Variants in SLC15A5 observed in about 807,000 individuals in gnomAD.
SLC15A5 encodes the protein solute carrier family 15 member 5, also known as Peptide/histidine transporter ENSP00000340402.
A neutral mutation model predicts 56.1 loss-of-function variants in SLC15A5; 58 were observed. The ratio of observed to expected loss-of-function variants is 1.03; its 90% CI spans 0.84 to 1.29. SLC15A5 has a LOEUF of 1.29. SLC15A5 is among the 50% of genes most tolerant of loss of function. The pLI is 0.00. For synonymous variants in SLC15A5, 264 were observed against 250.5 expected, an observed-to-expected ratio of 1.05 and a Z score of -0.51; for missense variants, 681 against 672.1, an observed-to-expected ratio of 1.01 and a Z score of -0.15.
rs1441279565 is a variant in SLC15A5, at chr12:16,196,292, G to C, written c.1484-1839C>G. Among the ~76,000 whole-genome samples the C allele has an allele frequency of 1.3e-5, 2 of 152,030 alleles. No homozygotes were observed. The highest frequency in any genetic ancestry group is 2.4e-5 in the African/African-American group (1 of 41,426). On this transcript the variant is annotated intron_variant, in intron 7 of 8. Coordinates refer to ENST00000344941, the MANE Select transcript of SLC15A5 (RefSeq NM_001170798.1). The surrounding 1 kb of genome is among the most constrained non-coding windows in gnomAD (Gnocchi z 4.0). ...ACATGATGCCTGTATCTGGTGTTTA[G>C]ATGAGTAAATGAAGTTCACTGAATG...
In SLC15A5 at chr12:16,243,896, C is replaced by G. The variant is rs1351318297; in HGVS notation, c.975+684G>C. On this transcript the variant is annotated intron_variant, in intron 4 of 8. Coordinates refer to ENST00000344941, the MANE Select transcript of SLC15A5 (RefSeq NM_001170798.1). This position sits in a 1 kb window ranked among gnomAD's most constrained non-coding sequence, Gnocchi z 4.4. ...AACTCATTCATGAGTCTTCTAAATTCCAAGTTGGGAGTTAGCAATGAACAA... is the reference window on the plus strand; with the variant it reads ...AACTCATTCATGAGTCTTCTAAATTGCAAGTTGGGAGTTAGCAATGAACAA... 2.0e-5 allele frequency among the ~76,000 whole-genome samples: 3 copies of G among 152,142 alleles called. No individual in the cohort carries two copies. In the South Asian group the frequency reaches 6.2e-4, roughly 32 times the overall value.
chr12:16,235,162 G>A lies in SLC15A5; in HGVS notation c.1162+4519C>T, dbSNP rs1352143512. Among the ~76,000 whole-genome samples, 1 of 151,352 alleles carries A rather than the reference G, an allele frequency of 6.6e-6. No homozygotes were observed. Among genetic ancestry groups the A allele is most frequent in the Admixed American group, 6.6e-5 (1 of 15,132 alleles). ...ATATTTGTCACTCACTTTTTAGGGT[G>A]GCATATGTTTTTTATTTTTATTGTT... is the stretch of plus-strand genomic sequence containing the variant. On this transcript the variant is annotated intron_variant, in intron 5 of 8. Coordinates refer to ENST00000344941, the MANE Select transcript of SLC15A5 (RefSeq NM_001170798.1). The surrounding 1 kb of genome is among the most constrained non-coding windows in gnomAD (Gnocchi z 4.1).
intron 7 of SLC15A5, among the ~76,000 whole-genome samples, chr12:16,200,115 A>T (rs1863938878): frequency 1.3e-5 from 2 of 151,914 alleles, no homozygotes; most frequent in Non-Finnish European, 2.9e-5. Flanking sequence ...AGGAAAAGTG[A>T]CTACGATACA....
Position 16,210,149 on chromosome 12 carries a change from C to A in SLC15A5, c.1483+6744G>T, listed in dbSNP as rs545555887. 6.6e-5 allele frequency among the ~76,000 whole-genome samples: 10 copies of A among 152,234 alleles called. No individual in the cohort carries two copies. In the South Asian group the frequency reaches 2.1e-3, roughly 32 times the overall value. On this transcript the variant is annotated intron_variant, in intron 7 of 8. Coordinates refer to ENST00000344941, the MANE Select transcript of SLC15A5 (RefSeq NM_001170798.1). ...GGGCCTTGATATATGTGCTCTCTAC[C>A]AGAAAAACCTCATTCCTAGGCTTAC...
intron 5 of SLC15A5, among the ~76,000 whole-genome samples, chr12:16,231,220 A>G (rs924297474): frequency 9.9e-5 from 15 of 152,248 alleles, no homozygotes; most frequent in African/African-American, 3.4e-4. Context: ...ATTTTTATCT[A>G]CATTCCAATA....
chr12:16,211,186 G>C (rs1257994579), intron 7 of SLC15A5, among the ~76,000 whole-genome samples: 2 of 152,202 alleles, frequency 1.3e-5, no homozygotes, highest in Admixed American at 6.5e-5. Flanking sequence ...GTATCTCTTA[G>C]ATAATAGGTA....
chr12:16,255,532 T>C (rs113357676), intron 3 of SLC15A5, among the ~76,000 whole-genome samples: 10 of 152,212 alleles, frequency 6.6e-5, no homozygotes, highest in East Asian at 5.8e-4. Flanking sequence ...TAGAAAGGAA[T>C]TTGGCAACAT....
In SLC15A5 at chr12:16,189,524, G is replaced by A; in HGVS notation, c.*144C>T. ...CAGTTTACTAGAAAATTCATAATTAGTCTTTGTAAATAAAGTATACAGATG... is the reference window on the plus strand; with the variant it reads ...CAGTTTACTAGAAAATTCATAATTAATCTTTGTAAATAAAGTATACAGATG... On this transcript the variant is annotated 3_prime_UTR_variant, in exon 9 of 9. Coordinates refer to ENST00000344941, the MANE Select transcript of SLC15A5 (RefSeq NM_001170798.1). 1 of 598,522 alleles carries A rather than the reference G, an allele frequency of 1.7e-6. No homozygotes were observed. The highest frequency in any genetic ancestry group is 2.5e-6 in the Non-Finnish European group (1 of 407,134). The allele number at this position is 598,522 out of a possible 1,614,324, so 37.1% of individuals were successfully genotyped here.
chr12:16,235,268 ATATGTATATATATGTATATATG>A lies in SLC15A5; in HGVS notation c.1162+4391_1162+4412del, dbSNP rs199621550. ...TAAGTATATATGTGTATATATATGT[ATATGTATATATATGTATATATG>A]TATATGTATATGTATATATATGTAT... is the stretch of plus-strand genomic sequence containing the variant. On this transcript the variant is annotated intron_variant, in intron 5 of 8. Transcript: ENST00000344941. The surrounding 1 kb of genome is among the most constrained non-coding windows in gnomAD (Gnocchi z 4.1). Among the ~76,000 whole-genome samples, 164 of 147,448 alleles carry A rather than the reference ATATGTATATATATGTATATATG, an allele frequency of 1.1e-3. 1 individual carries two copies. Among genetic ancestry groups the A allele is most frequent in the Non-Finnish European group, 1.6e-3 (110 of 67,232 alleles).
intron 3 of SLC15A5, among the ~76,000 whole-genome samples, chr12:16,254,091 T>C (rs1864545256): frequency 6.6e-6 from 1 of 152,072 alleles, no homozygotes; most frequent in Non-Finnish European, 1.5e-5. Flanking sequence ...TAAAATGGAA[T>C]GTTATGTGGT....
chr12:16,194,778 A>G (rs145442451), intron 7 of SLC15A5, among the ~76,000 whole-genome samples: 68 of 151,998 alleles, frequency 4.5e-4, no homozygotes, highest in African/African-American at 1.5e-3. Context: ...ATTTATCCTT[A>G]TATTTGTAGT....
intron 6 of SLC15A5, among the ~76,000 whole-genome samples, chr12:16,222,859 A>AAC: frequency 6.6e-6 from 1 of 152,326 alleles, no homozygotes; most frequent in African/African-American, 2.4e-5. Flanking sequence ...GACTACTTCC[A>AAC]ACACATTTTT....
rs778319174 is a variant in SLC15A5, at chr12:16,189,755, T to A, written c.1653A>T (p.Thr551=). The stretch of plus-strand genomic sequence containing the variant: ...TCAGAGATTTTTCGTGGAGGAGAAG[T>A]GTTTCTTCAAGATTACTTCCACGGA... The part of the protein sequence containing the change: ...QNIRGSNLEE[T]LLLHEKSLKF... The change falls in exon 9 of 9, where the codon ACA becomes ACT. Residue 551 remains threonine (T), a synonymous_variant. Transcript: ENST00000344941. 5 of 1,530,344 alleles carry A rather than the reference T, an allele frequency of 3.3e-6. No individual in the cohort carries two copies. Among genetic ancestry groups the A allele is most frequent in the Non-Finnish European group, 3.5e-6 (4 of 1,143,494 alleles). The allele number at this position is 1,530,344 out of a possible 1,614,324, so 94.8% of individuals were successfully genotyped here.
intron 7 of SLC15A5, among the ~76,000 whole-genome samples, chr12:16,209,144 C>T (rs1864053229): frequency 6.6e-6 from 1 of 151,450 alleles, no homozygotes; most frequent in African/African-American, 2.4e-5. Context: ...TTATGAATAC[C>T]TTCCATTCTT....
At chr12:16,227,665 G>T (rs1864255780) in intron 5 of SLC15A5, among the ~76,000 whole-genome samples, 1 of 152,180 alleles carries the variant, frequency 6.6e-6, no homozygotes, top group Non-Finnish European at 1.5e-5. Context: ...ACGATAGATT[G>T]GGGTCAGATC....
intron 2 of SLC15A5, among the ~76,000 whole-genome samples, chr12:16,266,174 G>C (rs1160637373): frequency 6.6e-6 from 1 of 152,210 alleles, no homozygotes; most frequent in East Asian, 1.9e-4. Flanking sequence ...GAGTCCCTAG[G>C]CTAAGCCACA....
At chr12:16,270,242 A>C (rs1025368782) in intron 2 of SLC15A5, among the ~76,000 whole-genome samples, 1 of 152,162 alleles carries the variant, frequency 6.6e-6, no homozygotes, top group African/African-American at 2.4e-5. Flanking sequence ...GGGAAGCTTT[A>C]GGTGGTATAG....
intron 7 of SLC15A5, among the ~76,000 whole-genome samples, chr12:16,197,036 A>G (rs915006386): frequency 6.6e-6 from 1 of 152,010 alleles, no homozygotes; most frequent in Non-Finnish European, 1.5e-5. Flanking sequence ...AGAGAAAGAT[A>G]GTATAAATCT....
intron 1 of SLC15A5, among the ~76,000 whole-genome samples, chr12:16,275,918 C>T (rs746828120): frequency 6.6e-6 from 1 of 151,888 alleles, no homozygotes; most frequent in Non-Finnish European, 1.5e-5. Context: ...TTTCTCGGTA[C>T]CAAGTAGCAG....
Sources: gnomAD v4.1 joint callset for allele counts (sites outside exome capture counted in the v4.1 genomes callset) on GRCh38, gnomAD v4.1.1 for gene constraint, Gnocchi (gnomAD v3.1) non-coding constraint, MANE v1.5 for transcripts, NCBI Gene and HGNC (gene_info 2026-07-23, HGNC 2026-07-21) for gene names.